DYSF: variants seen among roughly 807,000 people sequenced by gnomAD.
The protein encoded by DYSF is dystrophy-associated fer-1-like 1.
Under a neutral mutation model 274.9 loss-of-function variants are expected in DYSF, and 212 were observed. That is an observed-to-expected ratio of 0.77 (90% CI 0.69 to 0.86). The LOEUF is 0.86. DYSF is among the 40% of genes least tolerant of loss of function. The pLI is 0.00. For missense variants in DYSF, 2,666 were observed against 2,783.2 expected (o/e 0.96, Z 0.95); for synonymous variants, 1,091 against 1,078.7 (o/e 1.01, Z -0.22).
rs1215428617 is a variant in DYSF at position 71,663,937 on chromosome 2, G to A, written c.5004-331G>A. ...CAAAGCTCTGGCCCCTGGCTCTGGA[G>A]TTTCACATCTCTTGCATCTGTTGTC... On this transcript the variant is annotated intron_variant, in intron 45 of 55. Coordinates refer to ENST00000410020, the MANE Select transcript of DYSF (RefSeq NM_001130987.2). Among the ~76,000 whole-genome samples the A allele has an allele frequency of 2.6e-5, 4 of 152,210 alleles. No homozygotes were observed. In the East Asian group the frequency reaches 5.8e-4, roughly 22 times the overall value.
intron 1 of DYSF, among the ~76,000 whole-genome samples, chr2:71,467,655 G>T (rs1174042014): frequency 6.6e-6 from 1 of 152,138 alleles, no homozygotes; most frequent in Non-Finnish European, 1.5e-5. Flanking sequence ...GTCTCAGGAG[G>T]GGAAAGGGAA....
chr2:71,671,183 C>G (rs2095114399), intron 51 of DYSF, among the ~76,000 whole-genome samples: 1 of 152,184 alleles, frequency 6.6e-6, no homozygotes, highest in African/African-American at 2.4e-5. Context: ...AACATGGATT[C>G]AACAGGGTTA....
intron 3 of DYSF, among the ~76,000 whole-genome samples, chr2:71,497,793 A>T (rs1222026136): frequency 6.6e-6 from 1 of 152,258 alleles, no homozygotes; most frequent in African/African-American, 2.4e-5. Context: ...ACTCGAAATT[A>T]CAAAGTTTTC....
At chr2:71,509,033 T>C (rs899738547) in intron 4 of DYSF, among the ~76,000 whole-genome samples, 5 of 151,424 alleles carry the variant, frequency 3.3e-5, no homozygotes, top group African/African-American at 9.7e-5. Context: ...TTTTGTATTT[T>C]TATAGAGATG....
In DYSF at chr2:71,480,785, G is replaced by T; in HGVS notation, c.92-98G>T. On this transcript the variant is annotated intron_variant, in intron 1 of 55. Coordinates refer to ENST00000410020, the MANE Select transcript of DYSF (RefSeq NM_001130987.2). ...TTGATTTTGTAAGATTTCCCTTGGC[G>T]ACCAAGCTGAAGCACAGGTCTCAGA... 9 of 1,137,582 alleles carry T rather than the reference G, an allele frequency of 7.9e-6. No individual in the cohort carries two copies. The South Asian group carries it at 8.8e-5, about 11-fold the overall frequency. 70.5% of individuals were successfully genotyped at this position (1,137,582 alleles called of 1,614,324 possible).
chr2:71,492,707 C>T (rs913492817), intron 3 of DYSF, among the ~76,000 whole-genome samples: 22 of 141,968 alleles, frequency 1.5e-4, no homozygotes, highest in Admixed American at 2.8e-4. Flanking sequence ...CTCCCCCCCC[C>T]CCTTTTCTTT....
chr2:71,556,142 C>A, intron 22 of DYSF, 71 bp downstream of exon 22: 12 of 1,317,104 alleles, frequency 9.1e-6, no homozygotes, highest in Non-Finnish European at 1.3e-5. Context: ...TGGGAGTGCT[C>A]GTGTGTGGCA....
At position 71,670,232 on chromosome 2, in the gene DYSF, C is replaced by T. The variant is rs116620267; in HGVS notation, c.5784+486C>T. Among the ~76,000 whole-genome samples, 526 of 152,320 alleles carry T rather than the reference C, an allele frequency of 3.5e-3. 1 individual carries two copies. Among genetic ancestry groups the T allele is most frequent in the African/African-American group, 0.012 (510 of 41,568 alleles). Reference sequence around the variant, plus strand: ...CACACAGTGCCATATCCATCATTTGCAGCTAAATCCAGATCCCAAAGTCAC... The same window carrying T: ...CACACAGTGCCATATCCATCATTTGTAGCTAAATCCAGATCCCAAAGTCAC... On this transcript the variant is annotated intron_variant, in intron 51 of 55. Coordinates refer to ENST00000410020, the MANE Select transcript of DYSF (RefSeq NM_001130987.2).
At chr2:71,680,902 A>T in intron 53 of DYSF, 99 bp from the exon 54 acceptor site, 2 of 921,308 alleles carry the variant, frequency 2.2e-6, no homozygotes, top group South Asian at 1.4e-5. Context: ...TTTTTTTTTA[A>T]ATAATGAAGT....
intron 45 of DYSF, among the ~76,000 whole-genome samples, chr2:71,661,990 G>A (rs2152945439): frequency 6.6e-6 from 1 of 152,254 alleles, no homozygotes; most frequent in East Asian, 1.9e-4. Context: ...TAATGCTGAT[G>A]GGGCAGTGGG....
chr2:71,588,994 G>C (rs1255313352), intron 30 of DYSF, among the ~76,000 whole-genome samples: 1 of 152,164 alleles, frequency 6.6e-6, no homozygotes, highest in Non-Finnish European at 1.5e-5. Context: ...AGGTGGCAGG[G>C]CTGACCATCT....
At chr2:71,671,725 C>T (rs762886658) in intron 51 of DYSF, among the ~76,000 whole-genome samples, 8 of 152,276 alleles carry the variant, frequency 5.3e-5, no homozygotes, top group South Asian at 2.1e-4. Context: ...GAGGGTTACC[C>T]GGCAGTTCTG....
rs114498905 is a variant in DYSF, at chr2:71,508,801, T to C, written c.346-3006T>C. Reference sequence around the variant, plus strand: ...AGAATTTTGTGACTTTGTAATATCCTCTTTGTCATCTAACCTTTACCCGTG... The same window carrying C: ...AGAATTTTGTGACTTTGTAATATCCCCTTTGTCATCTAACCTTTACCCGTG... On this transcript the variant is annotated intron_variant, in intron 4 of 55. Coordinates refer to ENST00000410020, the MANE Select transcript of DYSF (RefSeq NM_001130987.2). Among the ~76,000 whole-genome samples, 1,045 of 152,342 alleles carry C rather than the reference T, an allele frequency of 6.9e-3. 12 individuals carry two copies. Among genetic ancestry groups the C allele is most frequent in the African/African-American group, 0.024 (992 of 41,578 alleles).
chr2:71,652,852 A>G (rs903994239), intron 42 of DYSF, among the ~76,000 whole-genome samples: 1 of 152,262 alleles, frequency 6.6e-6, no homozygotes, highest in African/African-American at 2.4e-5. Context: ...AGCATTTGGC[A>G]TATGACACAA....
At chr2:71,520,120 C>T (rs2152741312) in intron 10 of DYSF, 58 bp from the exon 11 acceptor site, 3 of 1,608,270 alleles carry the variant, frequency 1.9e-6, no homozygotes, top group Non-Finnish European at 2.6e-6. Context: ...ATGCACCACA[C>T]TTTATTTAAC....
chr2:71,504,185 CAT>C (rs2085257450), intron 4 of DYSF, among the ~76,000 whole-genome samples: 1 of 152,152 alleles, frequency 6.6e-6, no homozygotes, highest in African/African-American at 2.4e-5. Context: ...ACTGAAGTCA[CAT>C]AGTCAGTGGC....
In DYSF at chr2:71,551,492, T is replaced by C. The variant is rs997600786; in HGVS notation, c.1693-115T>C. On this transcript the variant is annotated intron_variant, in intron 18 of 55. Transcript: ENST00000410020. ...CACCTGCAGGGGGGATGAGGTTGGC[T>C]GAGGGACCTCCTGGGTGCCTGAGAG... 3.4e-6 allele frequency: 3 copies of C among 882,100 alleles called. No individual in the cohort carries two copies. The African/African-American group carries it at 4.9e-5, about 15-fold the overall frequency. 54.6% of individuals were successfully genotyped at this position (882,100 alleles called of 1,614,324 possible).
intron 42 of DYSF, among the ~76,000 whole-genome samples, chr2:71,654,796 A>G (rs991295957): frequency 2.7e-5 from 4 of 147,700 alleles, no homozygotes; most frequent in African/African-American, 7.5e-5. Flanking sequence ...AACAAGTTAC[A>G]GGCCAGGCAC....
At position 71,516,143 on chromosome 2, in the gene DYSF, A is replaced by G. The variant is rs139753518; in HGVS notation, c.889-37A>G. 1,012 of 1,600,366 alleles carry G rather than the reference A, an allele frequency of 6.3e-4. 6 individuals are homozygous for G. The African/African-American group carries it at 0.011, about 17-fold the overall frequency. ...CCTCTCCCTGGCCTGAGGGATCAGC[A>G]GGCACTGATATGTCTCTCTTTGCTC... is the stretch of plus-strand genomic sequence containing the variant. On this transcript the variant is annotated intron_variant, in intron 8 of 55. Coordinates refer to ENST00000410020, the MANE Select transcript of DYSF (RefSeq NM_001130987.2).
Sources: gnomAD v4.1 joint callset for allele counts (sites outside exome capture counted in the v4.1 genomes callset) on GRCh38, gnomAD v4.1.1 for gene constraint, MANE v1.5 for transcripts, NCBI Gene and HGNC (gene_info 2026-07-23, HGNC 2026-07-21) for gene names.